PELI2: variants seen among roughly 807,000 people sequenced by gnomAD.
PELI2 encodes pellino E3 ubiquitin protein ligase family member 2.
Under a neutral mutation model 42.3 loss-of-function variants are expected in PELI2, and 23 were observed. The ratio of observed to expected loss-of-function variants is 0.54; its 90% CI spans 0.39 to 0.77. The LOEUF (loss-of-function observed/expected upper bound fraction) is 0.77. Among genes scored for constraint, PELI2 ranks in the 30% least tolerant of loss-of-function variants. PELI2 has a pLI of 0.00. For synonymous variants in PELI2, 245 were observed against 212.2 expected (o/e 1.15, Z -1.34); for missense variants, 463 against 553.2 (o/e 0.84, Z 1.64).
intron 2 of PELI2, among the ~76,000 whole-genome samples, chr14:56,233,141 G>C (rs1054401193): frequency 6.6e-6 from 1 of 152,160 alleles, no homozygotes; most frequent in Non-Finnish European, 1.5e-5. Context: ...CATGCTCATG[G>C]ATAGGAAGAA....
chr14:56,239,950 A>G (rs1330122081), intron 2 of PELI2, among the ~76,000 whole-genome samples: 1 of 152,208 alleles, frequency 6.6e-6, no homozygotes, highest in East Asian at 1.9e-4. Context: ...CAGTAGCAGA[A>G]AAGAGTAGGA....
At chr14:56,187,812 G>A (rs1885819872) in intron 2 of PELI2, among the ~76,000 whole-genome samples, 1 of 152,100 alleles carries the variant, frequency 6.6e-6, no homozygotes, top group South Asian at 2.1e-4. Context: ...GGTGATGGAG[G>A]GCAGCCTAGG....
intron 1 of PELI2, among the ~76,000 whole-genome samples, chr14:56,148,564 C>T (rs1448875794): frequency 6.6e-6 from 1 of 152,164 alleles, no homozygotes; most frequent in Non-Finnish European, 1.5e-5. Context: ...ACCCTGTCCT[C>T]CCCAGCCCTT....
In PELI2 at chr14:56,264,178, G is replaced by T. The variant is rs529548354; in HGVS notation, c.208-15498G>T. 3.3e-5 allele frequency among the ~76,000 whole-genome samples: 5 copies of T among 152,288 alleles called. 1 individual carries two copies. The South Asian group carries it at 1.0e-3, about 32-fold the overall frequency. On this transcript the variant is annotated intron_variant, in intron 2 of 5. Coordinates refer to ENST00000267460, the MANE Select transcript of PELI2 (RefSeq NM_021255.3). ...GGCGAAGCTCTGCCTTCTTGCTTCAGTTCTCATACTGTCAACAAGTGTTCT... is the reference window on the plus strand; with the variant it reads ...GGCGAAGCTCTGCCTTCTTGCTTCATTTCTCATACTGTCAACAAGTGTTCT...
chr14:56,130,999 T>A (rs575037598), intron 1 of PELI2, among the ~76,000 whole-genome samples: 108 of 152,356 alleles, frequency 7.1e-4, no homozygotes, highest in Admixed American at 1.7e-3. Context: ...TCCTCTCTAA[T>A]AAAGGTCTAT....
At chr14:56,256,285 T>C (rs1369132293) in intron 2 of PELI2, among the ~76,000 whole-genome samples, 1 of 151,554 alleles carries the variant, frequency 6.6e-6, no homozygotes, top group East Asian at 1.9e-4. Context: ...TAAAAAAAAA[T>C]ATTAGCTGGG....
chr14:56,166,997 G>A (rs983859252), intron 1 of PELI2, among the ~76,000 whole-genome samples: 4 of 152,030 alleles, frequency 2.6e-5, no homozygotes, highest in East Asian at 1.9e-4. Context: ...CACCATGTTA[G>A]CCAGGATGGT....
chr14:56,239,442 A>T (rs183586476), intron 2 of PELI2, among the ~76,000 whole-genome samples: 56 of 152,302 alleles, frequency 3.7e-4, no homozygotes, highest in Admixed American at 7.2e-4. Flanking sequence ...ATGAGAACTG[A>T]TTTTTTAGAG....
At chr14:56,236,158 T>G (rs1887786688) in intron 2 of PELI2, among the ~76,000 whole-genome samples, 1 of 152,256 alleles carries the variant, frequency 6.6e-6, no homozygotes, top group African/African-American at 2.4e-5. Flanking sequence ...TTTTAATTTC[T>G]AAATTGACCA....
At position 56,171,364 on chromosome 14, in the gene PELI2, C is replaced by G. The variant is rs141047085; in HGVS notation, c.78-6971C>G. On this transcript the variant is annotated intron_variant, in intron 1 of 5. Coordinates refer to ENST00000267460, the MANE Select transcript of PELI2 (RefSeq NM_021255.3). Reference sequence around the variant, plus strand: ...ACCCTTCCACCATGGGATGAAACATCTAGGGAGGCCAAGCAGGCCTCTCCA... The same window carrying G: ...ACCCTTCCACCATGGGATGAAACATGTAGGGAGGCCAAGCAGGCCTCTCCA... Among the ~76,000 whole-genome samples the G allele has an allele frequency of 8.5e-5, 13 of 152,314 alleles. 1 individual carries two copies. The East Asian group carries it at 1.5e-3, about 18-fold the overall frequency.
intron 2 of PELI2, among the ~76,000 whole-genome samples, chr14:56,255,866 A>G (rs1888510446): frequency 6.6e-6 from 1 of 152,126 alleles, no homozygotes; most frequent in Non-Finnish European, 1.5e-5. Context: ...CTGGCAGAGA[A>G]GGGAAGATGG....
chr14:56,284,528 G>A (rs1469957947), intron 3 of PELI2, among the ~76,000 whole-genome samples: 1 of 151,966 alleles, frequency 6.6e-6, no homozygotes. Flanking sequence ...AACAGTTTTG[G>A]GTTTTGGTTT....
At chr14:56,292,745 A>G (rs1889872688) in intron 5 of PELI2, 1 of 975,992 alleles carries the variant, frequency 1.0e-6, no homozygotes, top group African/African-American at 1.8e-5. Flanking sequence ...AGAACTGTGT[A>G]CTAATCAACA....
chr14:56,158,899 G>T (rs1433476481), intron 1 of PELI2, among the ~76,000 whole-genome samples: 2 of 152,096 alleles, frequency 1.3e-5, no homozygotes, highest in Non-Finnish European at 2.9e-5. Context: ...ATTACCATCT[G>T]TCTTCTTTAA....
At chr14:56,224,573 C>T (rs1315292909) in intron 2 of PELI2, among the ~76,000 whole-genome samples, 1 of 152,170 alleles carries the variant, frequency 6.6e-6, no homozygotes, top group Non-Finnish European at 1.5e-5. Context: ...TGTTATGTAT[C>T]TTTCTCTCCT....
At chr14:56,185,063 T>A (rs1312179861) in intron 2 of PELI2, among the ~76,000 whole-genome samples, 1 of 152,060 alleles carries the variant, frequency 6.6e-6, no homozygotes, top group African/African-American at 2.4e-5. Context: ...GCTATTTTTT[T>A]ATTAAAAGGC....
chr14:56,141,398 T>C (rs981318024), intron 1 of PELI2, among the ~76,000 whole-genome samples: 33 of 152,170 alleles, frequency 2.2e-4, no homozygotes, highest in Non-Finnish European at 8.8e-5. Context: ...GAATGGCCAG[T>C]TGGGCAACTA....
rs566602318 is a variant in PELI2, at chr14:56,121,584, T to A, written c.77+2847T>A. Among the ~76,000 whole-genome samples the A allele has an allele frequency of 5.5e-4, 84 of 152,364 alleles. No homozygotes were observed. In the South Asian group the frequency reaches 7.5e-3, roughly 14 times the overall value. On this transcript the variant is annotated intron_variant, in intron 1 of 5. Coordinates refer to ENST00000267460, the MANE Select transcript of PELI2 (RefSeq NM_021255.3). ...TAACCAGCAGGTCTTTTTGCTATAA[T>A]TTTAAACTTACGTTTTAAGGTTAGG...
At chr14:56,132,574 C>T (rs368836757) in intron 1 of PELI2, among the ~76,000 whole-genome samples, 90 of 152,206 alleles carry the variant, frequency 5.9e-4, no homozygotes, top group Middle Eastern at 3.4e-3. Flanking sequence ...TTCTGTTCTT[C>T]CCTCCCAGAC....
Sources: allele counts gnomAD v4.1 joint callset (sites outside exome capture counted in the v4.1 genomes callset), GRCh38; gene constraint gnomAD v4.1.1; transcripts MANE v1.5; gene names NCBI Gene and HGNC (gene_info 2026-07-23, HGNC 2026-07-21).